The following MGST3 variants were observed in gnomAD, a reference collection of about 807,000 sequenced individuals.
The protein encoded by MGST3 is glutathione S-transferase 3, mitochondrial.
A neutral mutation model predicts 15.8 loss-of-function variants in MGST3; 13 were observed. That is an observed-to-expected ratio of 0.82 (90% CI 0.54 to 1.31). The LOEUF is 1.31. Among genes scored for constraint, MGST3 ranks in the 50% most tolerant of loss-of-function variants. The pLI is 0.00. For synonymous variants in MGST3, 49 were observed against 68.1 expected, an observed-to-expected ratio of 0.72 and a Z score of 1.38; for missense variants, 155 against 192.4, an observed-to-expected ratio of 0.81 and a Z score of 1.15.
In MGST3 at chr1:165,649,945, G is replaced by A. The variant is rs1437778946; in HGVS notation, c.98G>A (p.Arg33His). 8 of 1,613,958 alleles carry A rather than the reference G, an allele frequency of 5.0e-6. No homozygotes were observed. The highest frequency in any genetic ancestry group is 2.2e-5 in the East Asian group (1 of 44,886). Reference protein sequence around the residue: ...AHLAINVSKARKKYKVEYPIM... With the variant: ...AHLAINVSKAHKKYKVEYPIM... Reference sequence around the variant, plus strand: ...CTAGCCATCAATGTTTCCAAGGCCCGCAAGAAGTACAAAGTGGAGGTAAGT... The same window carrying A: ...CTAGCCATCAATGTTTCCAAGGCCCACAAGAAGTACAAAGTGGAGGTAAGT... Residue 33 changes from arginine to histidine, a missense_variant, in exon 2 of 6, where the codon CGC (arginine) becomes CAC (histidine). Arg to His is a conservative substitution (Grantham distance 29, BLOSUM62 0). Transcript: ENST00000367889.
intron 1 of MGST3, chr1:165,646,797 T>C (rs1648416925): frequency 6.6e-6 from 1 of 152,264 alleles, no homozygotes; most frequent in Admixed American, 6.5e-5. Context: ...GTGGTCCTGC[T>C]CTGTTTTAAG....
At position 165,649,930 on chromosome 1, in the gene MGST3, A is replaced by G. The variant is rs747780889; in HGVS notation, c.83A>G (p.Asn28Ser). 16 of 1,614,032 alleles carry G rather than the reference A, an allele frequency of 9.9e-6. No homozygotes were observed. Among genetic ancestry groups the G allele is most frequent in the Middle Eastern group, 1.7e-4 (1 of 6,054 alleles). ...SFIMVAHLAI[N>S]VSKARKKYKV... Reference sequence around the variant, plus strand: ...ATAATGGTGGCCCACCTAGCCATCAATGTTTCCAAGGCCCGCAAGAAGTAC... The same window carrying G: ...ATAATGGTGGCCCACCTAGCCATCAGTGTTTCCAAGGCCCGCAAGAAGTAC... The change falls in exon 2 of 6, where the codon AAT becomes AGT. Residue 28 changes from asparagine to serine, a missense_variant. Coordinates refer to ENST00000367889, the MANE Select transcript of MGST3 (RefSeq NM_004528.4).
chr1:165,651,745 C>A, intron 3 of MGST3: 2 of 454,842 alleles, frequency 4.4e-6, no homozygotes, highest in Non-Finnish European at 8.0e-6. Context: ...CTCTACAAAA[C>A]TTAGCCAGGC....
intron 1 of MGST3, among the ~76,000 whole-genome samples, chr1:165,633,444 AT>A (rs948017282): frequency 1.7e-4 from 26 of 149,572 alleles, no homozygotes; most frequent in African/African-American, 4.9e-4. Flanking sequence ...TCCACCCTTC[AT>A]TTTTTTTTAT....
At chr1:165,655,010 A>G (rs1648670453) in intron 5 of MGST3, among the ~76,000 whole-genome samples, 1 of 152,236 alleles carries the variant, frequency 6.6e-6, no homozygotes, top group East Asian at 1.9e-4. Context: ...AAACCCATGC[A>G]GTCCGACTCC....
chr1:165,642,609 A>G (rs890981201), intron 1 of MGST3, among the ~76,000 whole-genome samples: 2 of 152,084 alleles, frequency 1.3e-5, no homozygotes, highest in African/African-American at 4.8e-5. Flanking sequence ...GTAACATAAT[A>G]TATAACATTT....
intron 1 of MGST3, among the ~76,000 whole-genome samples, chr1:165,642,141 C>T (rs1187586467): frequency 1.3e-5 from 2 of 152,290 alleles, no homozygotes; most frequent in East Asian, 3.9e-4. Flanking sequence ...GAATTGGGTA[C>T]TTGTTTACTT....
At chr1:165,638,062 G>A (rs1361147980) in intron 1 of MGST3, among the ~76,000 whole-genome samples, 1 of 152,100 alleles carries the variant, frequency 6.6e-6, no homozygotes, top group Non-Finnish European at 1.5e-5. Context: ...TACCCTGCTT[G>A]CTTCAAAATA....
At chr1:165,641,138 G>T (rs149813630) in intron 1 of MGST3, among the ~76,000 whole-genome samples, 2 of 152,122 alleles carry the variant, frequency 1.3e-5, no homozygotes, top group African/African-American at 4.8e-5. Flanking sequence ...AGCCTAGATC[G>T]TGCCACTTCA....
intron 1 of MGST3, among the ~76,000 whole-genome samples, chr1:165,639,601 G>C (rs970332930): frequency 2.6e-5 from 4 of 152,064 alleles, no homozygotes; most frequent in African/African-American, 9.7e-5. Context: ...TCAGGAGTTC[G>C]AGACCAGCCT....
Position 165,649,973 on chromosome 1 carries a change from G to C in MGST3, c.117+9G>C, listed in dbSNP as rs1385566744. The C allele has an allele frequency of 6.2e-7, 1 of 1,613,856 alleles. No homozygotes were observed. The highest frequency in any genetic ancestry group is 1.7e-5 in the Admixed American group (1 of 60,026). On this transcript the variant is annotated intron_variant, in intron 2 of 5. Transcript: ENST00000367889. ...AGAAGTACAAAGTGGAGGTAAGTGG[G>C]AACACAAGCTGGTGCCCTTGTAGGC...
At chr1:165,650,816 T>C in intron 2 of MGST3, 198 bp from the exon 3 acceptor site, 1 of 607,390 alleles carries the variant, frequency 1.6e-6, no homozygotes, top group Non-Finnish European at 3.0e-6. Flanking sequence ...TATTCCTGGA[T>C]ATTTAATAGA....
At chr1:165,652,528 G>A (rs1648587896) in intron 4 of MGST3, among the ~76,000 whole-genome samples, 1 of 152,160 alleles carries the variant, frequency 6.6e-6, no homozygotes, top group African/African-American at 2.4e-5. Context: ...TGAGTGCAGA[G>A]AAGAAAACAA....
In MGST3 at chr1:165,654,278, G is replaced by A. The variant is rs1181930381; in HGVS notation, c.250-1G>A. 6.2e-7 allele frequency: 1 copy of A among 1,613,644 alleles called. No homozygotes were observed. The highest frequency in any genetic ancestry group is 8.5e-7 in the Non-Finnish European group (1 of 1,179,870). On this transcript the variant is annotated splice_acceptor_variant, in intron 4 of 5. Transcript: ENST00000367889. LOFTEE classifies it high-confidence loss of function. ...ATACTAATGTAGCCCTTTTTTCTTA[G>A]CGTATAGCTTCTGGCCTGGGCTTGG...
chr1:165,633,859 A>G (rs1648027302), intron 1 of MGST3, among the ~76,000 whole-genome samples: 1 of 152,204 alleles, frequency 6.6e-6, no homozygotes, highest in African/African-American at 2.4e-5. Flanking sequence ...ATGACATGAT[A>G]TATAAATGAA....
In MGST3 at chr1:165,638,955, C is replaced by T. The variant is rs143969829; in HGVS notation, c.-8+7662C>T. Among the ~76,000 whole-genome samples the T allele has an allele frequency of 1.3e-4, 19 of 151,954 alleles. No individual in the cohort carries two copies. In the East Asian group the frequency reaches 3.7e-3, roughly 29 times the overall value. On this transcript the variant is annotated intron_variant, in intron 1 of 5. Transcript: ENST00000367889. ...GAGGCAAGGATGTCGGCACTTGCCA[C>T]TGGTATTCAACATTGCATTGCCCCT...
At chr1:165,642,138 G>T (rs1648278694) in intron 1 of MGST3, among the ~76,000 whole-genome samples, 1 of 152,150 alleles carries the variant, frequency 6.6e-6, no homozygotes, top group African/African-American at 2.4e-5. Context: ...CTGGAATTGG[G>T]TACTTGTTTA....
intron 1 of MGST3, among the ~76,000 whole-genome samples, chr1:165,642,712 G>T (rs1648292329): frequency 6.6e-6 from 1 of 152,140 alleles, no homozygotes; most frequent in African/African-American, 2.4e-5. Flanking sequence ...GGTTATATTA[G>T]TATCTCCATT....
chr1:165,650,999 G>A lies in MGST3; in HGVS notation c.118-15G>A, dbSNP rs1648536696. ...CCTCTTGACCATCTGATCAGTATGTGCTTTGTTGTGACAGTATCCTATCAT... is the reference window on the plus strand; with the variant it reads ...CCTCTTGACCATCTGATCAGTATGTACTTTGTTGTGACAGTATCCTATCAT... On this transcript the variant is annotated splice_polypyrimidine_tract_variant and intron_variant, in intron 2 of 5. Coordinates refer to ENST00000367889, the MANE Select transcript of MGST3 (RefSeq NM_004528.4). 6.2e-7 allele frequency: 1 copy of A among 1,613,136 alleles called. No homozygotes were observed. Among genetic ancestry groups the A allele is most frequent in the Non-Finnish European group, 8.5e-7 (1 of 1,179,074 alleles).
Sources: gnomAD v4.1 joint callset for allele counts (sites outside exome capture counted in the v4.1 genomes callset) on GRCh38, gnomAD v4.1.1 for gene constraint, MANE v1.5 for transcripts, NCBI Gene and HGNC (gene_info 2026-07-23, HGNC 2026-07-21) for gene names.